Variants in SNX29 observed in about 807,000 individuals in gnomAD.
The protein encoded by SNX29 is sorting nexin-29.
Under a neutral mutation model 102.1 loss-of-function variants are expected in SNX29, and 78 were observed. That is an observed-to-expected ratio of 0.76 (90% CI 0.64 to 0.92). The LOEUF (loss-of-function observed/expected upper bound fraction) is 0.92, where lower values mean the gene tolerates loss of function less well. Ranked by LOEUF, SNX29 falls within the 40% of genes least tolerant of loss-of-function variation. SNX29 has a pLI of 0.00. For synonymous variants in SNX29, 580 were observed against 414.5 expected (o/e 1.40, Z -4.85); for missense variants, 1,280 against 1,061.7 (o/e 1.21, Z -2.86).
intron 16 of SNX29, among the ~76,000 whole-genome samples, chr16:12,374,126 G>A (rs910594463): frequency 6.6e-6 from 1 of 152,228 alleles, no homozygotes; most frequent in Non-Finnish European, 1.5e-5. Flanking sequence ...CCACTGGATG[G>A]TGGGCTGTGT....
At chr16:12,470,509 C>T (rs2087285796) in intron 18 of SNX29, among the ~76,000 whole-genome samples, 1 of 152,122 alleles carries the variant, frequency 6.6e-6, no homozygotes, top group African/African-American at 2.4e-5. Context: ...CGGCCTGCAG[C>T]CAGCAGAGAG....
intron 15 of SNX29, among the ~76,000 whole-genome samples, chr16:12,287,026 G>A (rs1313033952): frequency 1.3e-5 from 2 of 152,102 alleles, no homozygotes; most frequent in African/African-American, 2.4e-5. Flanking sequence ...TCTTTTAGGG[G>A]GCCCCTGGCT....
chr16:12,202,093 G>A (rs565928114), intron 14 of SNX29, among the ~76,000 whole-genome samples: 2 of 152,246 alleles, frequency 1.3e-5, no homozygotes, highest in South Asian at 4.1e-4. Context: ...ACGTACGTAC[G>A]GCGACTCCAC....
At chr16:11,998,119 C>T (rs985518075) in intron 1 of SNX29, among the ~76,000 whole-genome samples, 2 of 152,186 alleles carry the variant, frequency 1.3e-5, no homozygotes, top group Non-Finnish European at 2.9e-5. Flanking sequence ...TGAGATAATG[C>T]CCTGCTGCTA....
intron 20 of SNX29, among the ~76,000 whole-genome samples, chr16:12,563,138 C>T (rs900746400): frequency 2.6e-5 from 4 of 152,056 alleles, no homozygotes; most frequent in African/African-American, 9.7e-5. Context: ...GCCACACGTC[C>T]TCATCCCAGC....
At chr16:12,113,102 C>T (rs1360623344) in intron 11 of SNX29, among the ~76,000 whole-genome samples, 2 of 152,202 alleles carry the variant, frequency 1.3e-5, no homozygotes, top group Non-Finnish European at 2.9e-5. Context: ...CAAGACTGGG[C>T]AGCATCCTCT....
chr16:12,170,602 G>A (rs987681074), intron 13 of SNX29, among the ~76,000 whole-genome samples: 2 of 151,962 alleles, frequency 1.3e-5, no homozygotes, highest in East Asian at 1.9e-4. Context: ...GACATGGGAC[G>A]GAGGCTTCTG....
intron 17 of SNX29, among the ~76,000 whole-genome samples, chr16:12,402,590 T>C (rs892655602): frequency 1.4e-4 from 22 of 152,228 alleles, no homozygotes; most frequent in African/African-American, 4.6e-4. Flanking sequence ...CGGGTACAAA[T>C]GTGACAGTGA....
At position 12,567,248 on chromosome 16, in the gene SNX29, C is replaced by T. The variant is rs781778229; in HGVS notation, c.2319-1258C>T. Reference sequence around the variant, plus strand: ...AGGCAGAGCTAGCTGTGGACACAGTCCTGTCTTCCCTTGTAGGGTCCAGTG... The same window carrying T: ...AGGCAGAGCTAGCTGTGGACACAGTTCTGTCTTCCCTTGTAGGGTCCAGTG... On this transcript the variant is annotated intron_variant, in intron 20 of 20. Coordinates refer to ENST00000566228, the MANE Select transcript of SNX29 (RefSeq NM_032167.5). Among the ~76,000 whole-genome samples the T allele has an allele frequency of 5.6e-4, 85 of 152,184 alleles. 4 individuals are homozygous for T. Among genetic ancestry groups the T allele is most frequent in the Non-Finnish European group, 2.8e-4 (19 of 68,020 alleles).
intron 20 of SNX29, among the ~76,000 whole-genome samples, chr16:12,556,887 C>CAGA (rs1567194367): frequency 1.3e-4 from 20 of 148,570 alleles, no homozygotes; most frequent in African/African-American, 5.0e-4. Context: ...GGGTCTCCGT[C>CAGA]TGTCTCCTCA....
chr16:12,389,049 G>C (rs2083434859), intron 16 of SNX29, among the ~76,000 whole-genome samples: 2 of 152,120 alleles, frequency 1.3e-5, no homozygotes, highest in South Asian at 4.1e-4. Flanking sequence ...AGTGGTCCCA[G>C]GCCAATTTTT....
chr16:12,277,487 C>T (rs903067561), intron 14 of SNX29, among the ~76,000 whole-genome samples: 7 of 152,166 alleles, frequency 4.6e-5, no homozygotes, highest in Non-Finnish European at 8.8e-5. Flanking sequence ...CCTGTTTTCT[C>T]CTGAAATGGA....
rs757805840 is a variant in SNX29 at position 12,568,499 on chromosome 16, C to G, written c.2319-7C>G. On this transcript the variant is annotated splice_polypyrimidine_tract_variant and splice_region_variant and intron_variant, in intron 20 of 20. Coordinates refer to ENST00000566228, the MANE Select transcript of SNX29 (RefSeq NM_032167.5). Reference sequence around the variant, plus strand: ...GACTTAACCCGATTCTCTCCCTGCTCTTTCAGCGACATCACCCCGCCCGGA... The same window carrying G: ...GACTTAACCCGATTCTCTCCCTGCTGTTTCAGCGACATCACCCCGCCCGGA... 4.3e-6 allele frequency: 7 copies of G among 1,609,480 alleles called. No homozygotes were observed. The highest frequency in any genetic ancestry group is 1.7e-5 in the Admixed American group (1 of 60,004).
chr16:12,571,823 TTCCC>T lies in SNX29; in HGVS notation c.*3195_*3198del, dbSNP rs2079193929. ...CAGTGTGAAATTCCAGCTTCTTTGATTCCCACTTAGCAGTATGCTCCAATCACGT... is the reference window on the plus strand; with the variant it reads ...CAGTGTGAAATTCCAGCTTCTTTGATACTTAGCAGTATGCTCCAATCACGT... On this transcript the variant is annotated 3_prime_UTR_variant, in exon 21 of 21. Coordinates refer to ENST00000566228, the MANE Select transcript of SNX29 (RefSeq NM_032167.5). The T allele has an allele frequency of 3.8e-6, 4 of 1,041,822 alleles. No homozygotes were observed. The highest frequency in any genetic ancestry group is 1.7e-5 in the African/African-American group (1 of 60,342). 64.5% of individuals were successfully genotyped at this position (1,041,822 alleles called of 1,614,324 possible). A position where few individuals can be genotyped will look rare whatever the true frequency, so the allele number is the denominator to read the frequency against.
At chr16:12,043,699 C>A (rs1041504766) in intron 5 of SNX29, among the ~76,000 whole-genome samples, 4 of 151,570 alleles carry the variant, frequency 2.6e-5, no homozygotes, top group East Asian at 1.9e-4. Context: ...CAATCCCAAA[C>A]TGAAAAAAAC....
chr16:12,560,025 A>T (rs1282468266), intron 20 of SNX29, among the ~76,000 whole-genome samples: 6 of 152,210 alleles, frequency 3.9e-5, no homozygotes, highest in African/African-American at 1.4e-4. Context: ...TGGAAGACTT[A>T]GTATGACAAA....
At chr16:12,355,627 A>G (rs1232006966) in intron 15 of SNX29, among the ~76,000 whole-genome samples, 6 of 152,154 alleles carry the variant, frequency 3.9e-5, no homozygotes, top group African/African-American at 7.2e-5. Context: ...AATAGTCTGT[A>G]CATTGACTAT....
At chr16:12,400,022 TAGAG>T (rs1460645008) in intron 17 of SNX29, among the ~76,000 whole-genome samples, 7 of 152,254 alleles carry the variant, frequency 4.6e-5, no homozygotes, top group South Asian at 2.1e-4. Flanking sequence ...AGGTCCCTAA[TAGAG>T]AGGATGAATT....
intron 13 of SNX29, among the ~76,000 whole-genome samples, chr16:12,188,554 C>T (rs901478495): frequency 3.9e-5 from 6 of 152,174 alleles, no homozygotes; most frequent in African/African-American, 1.4e-4. Context: ...TGTGTGTCAT[C>T]TGTAATTAAT....
Sources: gnomAD v4.1 joint callset for allele counts (sites outside exome capture counted in the v4.1 genomes callset) on GRCh38, gnomAD v4.1.1 for gene constraint, MANE v1.5 for transcripts, NCBI Gene and HGNC (gene_info 2026-07-23, HGNC 2026-07-21) for gene names.